Variants in PRLR observed in about 807,000 individuals in gnomAD.
PRLR encodes the protein hPRL receptor.
In PRLR, 13 loss-of-function variants were observed where a neutral mutation model predicts 40.2. That is an observed-to-expected ratio of 0.32 (90% CI 0.21 to 0.51). The LOEUF is 0.51. Ranked by LOEUF, PRLR falls within the 20% of genes least tolerant of loss-of-function variation. The pLI is 0.97. For missense variants in PRLR, 656 were observed against 747.3 expected (o/e 0.88, Z 1.42); for synonymous variants, 269 against 278.7 (o/e 0.97, Z 0.35).
chr5:35,199,486 AT>A (rs1161041841), intron 1 of PRLR, among the ~76,000 whole-genome samples: 2 of 152,134 alleles, frequency 1.3e-5, no homozygotes, highest in Non-Finnish European at 2.9e-5. Context: ...CCAAGGTGCC[AT>A]TTTCACAGCT....
intron 2 of PRLR, among the ~76,000 whole-genome samples, chr5:35,111,984 C>G (rs1457297713): frequency 6.6e-6 from 1 of 152,152 alleles, no homozygotes; most frequent in Non-Finnish European, 1.5e-5. Context: ...CAAATGAAAA[C>G]CTGGCATTCA....
chr5:35,158,589 G>T (rs1175367229), intron 1 of PRLR, among the ~76,000 whole-genome samples: 1 of 152,134 alleles, frequency 6.6e-6, no homozygotes, highest in Non-Finnish European at 1.5e-5. Flanking sequence ...GCCCAATGAA[G>T]GGTGAATATG....
chr5:35,133,265 G>A (rs1374371108), intron 1 of PRLR, among the ~76,000 whole-genome samples: 2 of 152,076 alleles, frequency 1.3e-5, no homozygotes, highest in Non-Finnish European at 2.9e-5. Context: ...CACATAATAG[G>A]ACTTCTTGCC....
chr5:35,106,605 C>G (rs1176322603), intron 2 of PRLR, among the ~76,000 whole-genome samples: 1 of 152,070 alleles, frequency 6.6e-6, no homozygotes, highest in East Asian at 1.9e-4. Flanking sequence ...GACTTGAAAC[C>G]AACAAAGATC....
intron 1 of PRLR, among the ~76,000 whole-genome samples, chr5:35,160,888 C>T (rs554160490): frequency 6.6e-6 from 1 of 152,324 alleles, no homozygotes; most frequent in South Asian, 2.1e-4. Flanking sequence ...CTTTGAAAAA[C>T]CACTAGCCCA....
At chr5:35,114,498 G>A (rs1160075841) in intron 2 of PRLR, among the ~76,000 whole-genome samples, 1 of 152,186 alleles carries the variant, frequency 6.6e-6, no homozygotes, top group African/African-American at 2.4e-5. Flanking sequence ...TTGCTCCTTG[G>A]AACCCTCCAG....
chr5:35,090,403 A>T (rs986889398), intron 2 of PRLR, among the ~76,000 whole-genome samples: 7 of 152,194 alleles, frequency 4.6e-5, no homozygotes, highest in Admixed American at 4.6e-4. Flanking sequence ...CCTTGGAACA[A>T]CGTTCAAAGC....
At chr5:35,180,826 A>T (rs1775277901) in intron 1 of PRLR, among the ~76,000 whole-genome samples, 1 of 152,090 alleles carries the variant, frequency 6.6e-6, no homozygotes, top group Non-Finnish European at 1.5e-5. Context: ...ATGAGTGAGA[A>T]CATGCGGTGT....
intron 8 of PRLR, among the ~76,000 whole-genome samples, chr5:35,050,245 A>T (rs940560630): frequency 3.3e-5 from 5 of 152,216 alleles, no homozygotes; most frequent in Non-Finnish European, 7.3e-5. Context: ...ACTCTGAGGA[A>T]TTACGTGATG....
chr5:35,179,382 C>A (rs1775230930), intron 1 of PRLR, among the ~76,000 whole-genome samples: 1 of 152,204 alleles, frequency 6.6e-6, no homozygotes. Context: ...TCTGTAGCTT[C>A]ATCCATGCTG....
chr5:35,058,540 CAT>C lies in PRLR; in HGVS notation c.*6547_*6548del, dbSNP rs1409105269. ...CCCAGAGCAGCTGTACAATGAATGA[CAT>C]AGAATCTTTCTTCTAGACAAAGATT... On this transcript the variant is annotated 3_prime_UTR_variant, in exon 10 of 10. Transcript: ENST00000618457. The C allele has an allele frequency of 6.6e-6, 1 of 152,156 alleles. No individual in the cohort carries two copies. The highest frequency in any genetic ancestry group is 1.5e-5 in the Non-Finnish European group (1 of 68,038). The allele number at this position is 152,156 out of a possible 1,614,324, so 9.4% of individuals were successfully genotyped here. A position where few individuals can be genotyped will look rare whatever the true frequency, so the allele number is the denominator to read the frequency against.
chr5:35,054,210 TAC>T (rs777354061), downstream of PRLR, among the ~76,000 whole-genome samples: 1 of 152,220 alleles, frequency 6.6e-6, no homozygotes, highest in Non-Finnish European at 1.5e-5. Flanking sequence ...ATGGCAAGGG[TAC>T]ACATCAGTAA....
chr5:35,143,917 A>G (rs1774097060), intron 1 of PRLR, among the ~76,000 whole-genome samples: 1 of 27,564 alleles, frequency 3.6e-5, no homozygotes, highest in South Asian at 2.4e-3. Context: ...AAATTTTTAA[A>G]AAACGACAAA....
rs80141983 is a variant in PRLR, at chr5:35,220,680, A to G, written c.-106+9588T>C. Among the ~76,000 whole-genome samples, 31 of 152,290 alleles carry G rather than the reference A, an allele frequency of 2.0e-4. No individual in the cohort carries two copies. In the East Asian group the frequency reaches 5.8e-3, roughly 28 times the overall value. ...CCTTGGAACAAAGCAGAACCTCCATAAACATTAGTTGAGTGAATAAAGAAA... is the reference window on the plus strand; with the variant it reads ...CCTTGGAACAAAGCAGAACCTCCATGAACATTAGTTGAGTGAATAAAGAAA... On this transcript the variant is annotated intron_variant, in intron 1 of 9. Coordinates refer to ENST00000618457, the MANE Select transcript of PRLR (RefSeq NM_000949.7).
chr5:35,108,047 C>G (rs1313133001), intron 2 of PRLR, among the ~76,000 whole-genome samples: 3 of 152,172 alleles, frequency 2.0e-5, no homozygotes, highest in African/African-American at 7.2e-5. Context: ...GGCTTCATCC[C>G]TGGGATGCAA....
intron 1 of PRLR, among the ~76,000 whole-genome samples, chr5:35,158,525 C>T (rs922438217): frequency 6.6e-6 from 1 of 152,082 alleles, no homozygotes; most frequent in South Asian, 2.1e-4. Flanking sequence ...ATTTTCAGAA[C>T]TTCCTTTTGC....
chr5:35,194,557 G>A (rs188305670), intron 1 of PRLR, among the ~76,000 whole-genome samples: 67 of 152,280 alleles, frequency 4.4e-4, no homozygotes, highest in South Asian at 1.7e-3. Context: ...ACAGACTACA[G>A]TACATCCATA....
chr5:35,096,339 C>T (rs16871815), intron 2 of PRLR, among the ~76,000 whole-genome samples: 6,914 of 152,200 alleles, frequency 0.045, 511 homozygotes, highest in African/African-American at 0.16. Context: ...GGCTTGTTTT[C>T]GAGCAGTCTT....
chr5:35,153,829 A>C (rs567158224), intron 1 of PRLR, among the ~76,000 whole-genome samples: 45 of 148,328 alleles, frequency 3.0e-4, no homozygotes, highest in African/African-American at 1.1e-3. Flanking sequence ...ATGCCAGTGC[A>C]GTCTTCTAGA....
Sources: allele counts gnomAD v4.1 joint callset (sites outside exome capture counted in the v4.1 genomes callset), GRCh38; gene constraint gnomAD v4.1.1; transcripts MANE v1.5; gene names NCBI Gene and HGNC (gene_info 2026-07-23, HGNC 2026-07-21).